Variants in SLC7A2 observed in about 807,000 individuals in gnomAD.
The protein encoded by SLC7A2 is cationic amino acid transporter 2.
A neutral mutation model predicts 58.9 loss-of-function variants in SLC7A2; 48 were observed. The observed-to-expected ratio is 0.82, with a 90% CI of 0.65 to 1.04. SLC7A2 has a LOEUF of 1.04. Among genes scored for constraint, SLC7A2 ranks in the 50% least tolerant of loss-of-function variants. SLC7A2 has a pLI of 0.00. For synonymous variants in SLC7A2, 363 were observed against 314.5 expected (o/e 1.15, Z -1.63); for missense variants, 1,029 against 818.8 (o/e 1.26, Z -3.13).
chr8:17,532,229 CAAAAAAAAAAA>C (rs534441508), intron 2 of SLC7A2, among the ~76,000 whole-genome samples: 14 of 46,202 alleles, frequency 3.0e-4, no homozygotes, highest in African/African-American at 9.1e-4. Context: ...GACTCTATCT[CAAAAAAAAAAA>C]AAAAAAAAAA....
At chr8:17,541,906 C>T (rs1039085245) in intron 2 of SLC7A2, among the ~76,000 whole-genome samples, 19 of 151,982 alleles carry the variant, frequency 1.3e-4, no homozygotes, top group African/African-American at 4.6e-4. Context: ...GTTTTATAAC[C>T]TGATTTTTTT....
At chr8:17,497,308 G>A (rs1315669513) in intron 1 of SLC7A2, 71 bp downstream of exon 1, 5 of 152,422 alleles carry the variant, frequency 3.3e-5, no homozygotes, top group African/African-American at 9.6e-5. Context: ...GGGGCCGGCG[G>A]GGAAGGAGCG....
intron 1 of SLC7A2, among the ~76,000 whole-genome samples, chr8:17,499,408 T>G (rs922243404): frequency 1.3e-5 from 2 of 148,974 alleles, no homozygotes; most frequent in African/African-American, 4.9e-5. Flanking sequence ...CTTCCCTCCA[T>G]TCTCTCTCCC....
Position 17,551,788 on chromosome 8 carries a change from A to G in SLC7A2, c.857A>G (p.Lys286Arg). 1 of 1,613,824 alleles carries G rather than the reference A, an allele frequency of 6.2e-7. No individual in the cohort carries two copies. Among genetic ancestry groups the G allele is most frequent in the East Asian group, 2.2e-5 (1 of 44,852 alleles). Reference sequence around the variant, plus strand: ...GGTGAAGAAGTTCGGAATCCCCAGAAAGCTATTCCCATTGGAATTGTGACG... The same window carrying G: ...GGTGAAGAAGTTCGGAATCCCCAGAGAGCTATTCCCATTGGAATTGTGACG... ...TTGEEVRNPQ[K>R]AIPIGIVTSL... The change falls in exon 7 of 13, where the codon AAA becomes AGA. Residue 286 changes from lysine (K) to arginine (R), a missense_variant. By Grantham distance (26) the Lys-to-Arg change is conservative (BLOSUM62 2). Coordinates refer to ENST00000494857, the MANE Select transcript of SLC7A2 (RefSeq NM_001370338.1).
chr8:17,555,233 A>T, intron 8 of SLC7A2: 1 of 706,136 alleles, frequency 1.4e-6, no homozygotes, highest in Non-Finnish European at 2.2e-6. Flanking sequence ...TGGGATTAAC[A>T]TGTGAAAATT....
chr8:17,505,547 G>A (rs944118838), intron 2 of SLC7A2, among the ~76,000 whole-genome samples: 2 of 152,064 alleles, frequency 1.3e-5, no homozygotes, highest in African/African-American at 4.8e-5. Flanking sequence ...CTCCAGCCTC[G>A]CCATCTTTCT....
At chr8:17,550,736 C>T (rs1585252213) in intron 6 of SLC7A2, among the ~76,000 whole-genome samples, 1 of 152,180 alleles carries the variant, frequency 6.6e-6, no homozygotes, top group East Asian at 1.9e-4. Context: ...AAATGTGAGT[C>T]ATTATTACCA....
At chr8:17,531,337 A>C (rs1801442987) in intron 2 of SLC7A2, among the ~76,000 whole-genome samples, 1 of 152,242 alleles carries the variant, frequency 6.6e-6, no homozygotes, top group Non-Finnish European at 1.5e-5. Flanking sequence ...TAGAGGACAG[A>C]AAAATAAGTT....
intron 7 of SLC7A2, 34 bp downstream of exon 7, chr8:17,552,020 T>C: frequency 6.3e-7 from 1 of 1,575,996 alleles, no homozygotes; most frequent in East Asian, 2.2e-5. Context: ...ACGGGCTGTT[T>C]GGGACTCTAC....
intron 1 of SLC7A2, among the ~76,000 whole-genome samples, chr8:17,498,284 C>T (rs755437774): frequency 1.3e-5 from 2 of 152,156 alleles, no homozygotes; most frequent in Non-Finnish European, 2.9e-5. Flanking sequence ...CCAGGGCCGC[C>T]TGGGTTATAA....
At chr8:17,535,181 C>A (rs560629826) in intron 2 of SLC7A2, among the ~76,000 whole-genome samples, 17 of 152,264 alleles carry the variant, frequency 1.1e-4, no homozygotes, top group African/African-American at 4.1e-4. Flanking sequence ...TTCTGCTTAG[C>A]TCTGCTTACC....
At chr8:17,524,798 A>ATT (rs372924751) in intron 2 of SLC7A2, among the ~76,000 whole-genome samples, 1 of 146,372 alleles carries the variant, frequency 6.8e-6, no homozygotes, top group African/African-American at 2.5e-5. Context: ...TCTAATCCTG[A>ATT]TTTTTTTTTT....
chr8:17,532,113 C>T (rs183060866), intron 2 of SLC7A2, among the ~76,000 whole-genome samples: 356 of 151,188 alleles, frequency 2.4e-3, no homozygotes, highest in African/African-American at 8.5e-3. Flanking sequence ...GCCTGTAATC[C>T]CAGCTACTTG....
At chr8:17,495,534 C>T (rs1171155293), upstream of SLC7A2, among the ~76,000 whole-genome samples, 2 of 152,098 alleles carry the variant, frequency 1.3e-5, no homozygotes, top group Admixed American at 6.5e-5. Flanking sequence ...GCTGTTTAAA[C>T]TTTCAGTTTT....
At chr8:17,529,926 T>C (rs2517243) in intron 2 of SLC7A2, among the ~76,000 whole-genome samples, 51,258 of 151,994 alleles carry the variant, frequency 0.34, 9,119 homozygotes, top group East Asian at 0.56. Flanking sequence ...GCAGAAGTAA[T>C]TGCTGTTTTG....
At chr8:17,557,748 G>T (rs1029265942) in intron 8 of SLC7A2, among the ~76,000 whole-genome samples, 9 of 152,094 alleles carry the variant, frequency 5.9e-5, no homozygotes, top group Admixed American at 5.9e-4. Context: ...CAATCGCTTG[G>T]ACCAGGGGGG....
At chr8:17,543,274 A>G in intron 2 of SLC7A2, 44 bp from the exon 3 acceptor site, 1 of 1,538,642 alleles carries the variant, frequency 6.5e-7, no homozygotes, top group Non-Finnish European at 8.8e-7. Flanking sequence ...AAAGGGAGGG[A>G]TGACAATTCC....
Position 17,566,759 on chromosome 8 carries a change from C to G in SLC7A2, c.*1613C>G, listed in dbSNP as rs1803284467. 1 of 151,304 alleles carries G rather than the reference C, an allele frequency of 6.6e-6. No individual in the cohort carries two copies. Among genetic ancestry groups the G allele is most frequent in the Admixed American group, 6.6e-5 (1 of 15,184 alleles). 9.4% of individuals were successfully genotyped at this position (151,304 alleles called of 1,614,324 possible). A position where few individuals can be genotyped will look rare whatever the true frequency, so the allele number is the denominator to read the frequency against. ...GGACTGTTTATTTGCAGTGTATTTG[C>G]TTCTCATGAACTATTTCTCGTACAA... On this transcript the variant is annotated 3_prime_UTR_variant, in exon 13 of 13. Coordinates refer to ENST00000494857, the MANE Select transcript of SLC7A2 (RefSeq NM_001370338.1).
At chr8:17,524,888 C>T (rs1406934445) in intron 2 of SLC7A2, among the ~76,000 whole-genome samples, 1 of 151,926 alleles carries the variant, frequency 6.6e-6, no homozygotes, top group Non-Finnish European at 1.5e-5. Context: ...TGATGAATTT[C>T]CCTGTGCTCA....
Sources: allele counts gnomAD v4.1 joint callset (sites outside exome capture counted in the v4.1 genomes callset), GRCh38; gene constraint gnomAD v4.1.1; transcripts MANE v1.5; gene names NCBI Gene and HGNC (gene_info 2026-07-23, HGNC 2026-07-21).